Variants in PER1 observed in about 807,000 individuals in gnomAD.
The protein encoded by PER1 is period circadian protein homolog 1.
In PER1, 87 loss-of-function variants were observed where a neutral mutation model predicts 125.9. The observed-to-expected ratio is 0.69, with a 90% confidence interval of 0.58 to 0.83. The LOEUF (loss-of-function observed/expected upper bound fraction) is 0.83, where lower values mean the gene tolerates loss of function less well. Ranked by LOEUF, PER1 falls within the 40% of genes least tolerant of loss-of-function variation. The pLI is 0.00. For synonymous variants in PER1, 801 were observed against 714.7 expected (o/e 1.12, Z -1.93); for missense variants, 1,775 against 1,722.8 (o/e 1.03, Z -0.54).
intron 8 of PER1, 79 bp from the exon 9 acceptor site, chr17:8,148,338 G>C (rs1248854165): frequency 1.6e-6 from 2 of 1,227,728 alleles, no homozygotes; most frequent in Non-Finnish European, 2.4e-6. Context: ...CTGGGCCCAG[G>C]CTGGCTGATG....
At position 8,146,063 on chromosome 17, in the gene PER1, G is replaced by T. The variant is rs1322924089; in HGVS notation, c.2113C>A (p.Pro705Thr). The part of the protein sequence containing the change: ...KEPVVGGTLS[P>T]LALANKAESV... Reference sequence around the variant, plus strand: ...TCCGCCTTATTGGCCAGGGCGAGCGGGCTCAGGGTGCCTCCCACCACTGGC... The same window carrying T: ...TCCGCCTTATTGGCCAGGGCGAGCGTGCTCAGGGTGCCTCCCACCACTGGC... The change falls in exon 17 of 23, where the codon CCG (proline) becomes ACG (threonine). Residue 705 changes from proline to threonine, a missense_variant. Coordinates refer to ENST00000317276, the MANE Select transcript of PER1 (RefSeq NM_002616.3). 1 of 1,613,948 alleles carries T rather than the reference G, an allele frequency of 6.2e-7. No homozygotes were observed.
intron 16 of PER1, 65 bp downstream of exon 16, chr17:8,146,307 G>T: frequency 6.5e-7 from 1 of 1,545,646 alleles, no homozygotes; most frequent in African/African-American, 1.4e-5. Flanking sequence ...AGAAGCAGAA[G>T]GGAAAAGACA....
Position 8,150,519 on chromosome 17 carries a change from C to G in PER1, c.188G>C (p.Arg63Thr). 1 of 1,614,194 alleles carries G rather than the reference C, an allele frequency of 6.2e-7. No homozygotes were observed. Among genetic ancestry groups the G allele is most frequent in the South Asian group, 1.1e-5 (1 of 91,090 alleles). ...SGNESNGHES[R>T]GASQRSSHSS... ...GTGTGAGCTCCGCTGAGATGCGCCT[C>G]TAGACTCATGCCCGTTGGACTCATT... The change falls in exon 2 of 23, where the codon AGA becomes ACA. Residue 63 changes from arginine (R) to threonine (T), a missense_variant. Coordinates refer to ENST00000317276, the MANE Select transcript of PER1 (RefSeq NM_002616.3).
chr17:8,145,836 C>T, intron 17 of PER1, 122 bp downstream of exon 17: 1 of 1,133,532 alleles, frequency 8.8e-7, no homozygotes, highest in Non-Finnish European at 1.2e-6. Flanking sequence ...AGCCCCAAGC[C>T]CCAGGTCAAG....
rs1310147162 is a variant in PER1, at chr17:8,150,298, A to G, written c.295T>C (p.Ser99Pro). The change falls in exon 3 of 23, where the codon TCC becomes CCC. Residue 99 changes from serine to proline, a missense_variant. By Grantham distance (74) the Ser-to-Pro change is moderately conservative. Coordinates refer to ENST00000317276, the MANE Select transcript of PER1 (RefSeq NM_002616.3). ...TAGGCAATGGAACTGCTGGGTGGGG[A>G]TGGGCTCTGAGAGTTTGTGCTAGGA... is the stretch of plus-strand genomic sequence containing the variant. Reference protein sequence around the residue: ...SSKSTNSQSPSPPSSSIAYSL... With the variant: ...SSKSTNSQSPPPPSSSIAYSL... The G allele has an allele frequency of 1.9e-6, 3 of 1,557,236 alleles. No homozygotes were observed. The highest frequency in any genetic ancestry group is 2.7e-5 in the African/African-American group (2 of 73,376).
chr17:8,148,409 T>C, intron 8 of PER1, 150 bp from the exon 9 acceptor site: 1 of 799,706 alleles, frequency 1.3e-6, no homozygotes, highest in Non-Finnish European at 2.0e-6. Flanking sequence ...GCCAATCCTA[T>C]GCCCTGTATC....
intron 22 of PER1, among the ~76,000 whole-genome samples, chr17:8,141,559 T>C (rs945593465): frequency 2.0e-5 from 3 of 152,216 alleles, no homozygotes; most frequent in African/African-American, 7.2e-5. Context: ...TAGCATAGGA[T>C]AGGCTGTGAA....
Position 8,147,392 on chromosome 17 carries a change from G to C in PER1, c.1498-11C>G. 6.2e-7 allele frequency: 1 copy of C among 1,613,696 alleles called. No homozygotes were observed. Among genetic ancestry groups the C allele is most frequent in the Non-Finnish European group, 8.5e-7 (1 of 1,179,916 alleles). ...GGGGCTGTGGACGGGCTGCAGCAGG[G>C]AGAGGGCAGGTTAGATGGCTTGACC... On this transcript the variant is annotated splice_polypyrimidine_tract_variant and intron_variant, in intron 12 of 22. Transcript: ENST00000317276.
chr17:8,149,388 T>G (rs1982680412), intron 6 of PER1, 74 bp downstream of exon 6: 1 of 1,606,168 alleles, frequency 6.2e-7, no homozygotes, highest in Admixed American at 1.7e-5. Context: ...AGGGAAAGTC[T>G]GGGTTCCCCG....
At chr17:8,147,120 G>A in intron 13 of PER1, 118 bp from the exon 14 acceptor site, 1 of 1,406,192 alleles carries the variant, frequency 7.1e-7, no homozygotes, top group Non-Finnish European at 9.8e-7. Flanking sequence ...GATGGGAGCA[G>A]GACAAGAAGG....
intron 8 of PER1, 23 bp from the exon 9 acceptor site, chr17:8,148,282 A>C: frequency 6.2e-7 from 1 of 1,602,422 alleles, no homozygotes; most frequent in Non-Finnish European, 8.5e-7. Context: ...GAGTGTGGTC[A>C]CTGGGTTTCG....
Position 8,142,784 on chromosome 17 carries a change from G to A in PER1, c.3124C>T (p.Leu1042=), listed in dbSNP as rs1598246124. 2 of 1,613,202 alleles carry A rather than the reference G, an allele frequency of 1.2e-6. No individual in the cohort carries two copies. Among genetic ancestry groups the A allele is most frequent in the East Asian group, 4.5e-5 (2 of 44,878 alleles). ...NQDALSGSSD[L]LELLLQEDSR... ...TCCTCTTGCAGCAGAAGTTCGAGCA[G>A]GTCACTGGAGCCGGAAAGTGCGTCC... is the stretch of plus-strand genomic sequence containing the variant. Residue 1042 remains leucine (L), a synonymous_variant, in exon 20 of 23, where the codon CTG becomes TTG. Coordinates refer to ENST00000317276, the MANE Select transcript of PER1 (RefSeq NM_002616.3).
chr17:8,145,865 A>T, intron 17 of PER1, 93 bp downstream of exon 17: 1 of 1,396,486 alleles, frequency 7.2e-7, no homozygotes. Flanking sequence ...CCTTCTCTCC[A>T]TCAGGCCCTA....
At position 8,148,760 on chromosome 17, in the gene PER1, G is replaced by A. The variant is rs1425174260; in HGVS notation, c.932C>T (p.Pro311Leu). The A allele has an allele frequency of 1.2e-6, 2 of 1,613,634 alleles. No individual in the cohort carries two copies. The highest frequency in any genetic ancestry group is 1.7e-6 in the Non-Finnish European group (2 of 1,179,848). Residue 311 changes from proline (P) to leucine (L), a missense_variant, in exon 8 of 23, where the codon CCT becomes CTT. Coordinates refer to ENST00000317276, the MANE Select transcript of PER1 (RefSeq NM_002616.3). ...GGTTAGGCGGAATGGCTGGTACCGA[G>A]GCCCTGGATCCCGGTCAGGACCTCC... ...IRGGPDRDPG[P>L]RYQPFRLTPY... is the part of the protein sequence containing the mutation.
At position 8,145,941 on chromosome 17, in the gene PER1, C is replaced by A. The variant is rs371685631; in HGVS notation, c.2218+17G>T. On this transcript the variant is annotated intron_variant, in intron 17 of 22. Transcript: ENST00000317276. ...CCGGTGGAGCCCAAGCACTGCCCCC[C>A]AATTCCACACCCATACCCGACTCCG... is the stretch of plus-strand genomic sequence containing the variant. 3.2e-6 allele frequency: 5 copies of A among 1,578,426 alleles called. No homozygotes were observed. The African/African-American group carries it at 6.7e-5, about 21-fold the overall frequency.
In PER1 at chr17:8,149,288, G is replaced by A. The variant is rs1379610189; in HGVS notation, c.876C>T (p.Thr292=). ...TACGGCAGAAGACGGACTTCTCCTG[G>A]GTAAAGTCCCTGAGGCCTGAACCTG... is the stretch of plus-strand genomic sequence containing the variant. ...ASAGSGLRDF[T]QEKSVFCRIR... The change falls in exon 7 of 23, where the codon ACC becomes ACT. Residue 292 remains threonine, a synonymous_variant. Coordinates refer to ENST00000317276, the MANE Select transcript of PER1 (RefSeq NM_002616.3). 4.3e-6 allele frequency: 7 copies of A among 1,613,954 alleles called. No homozygotes were observed. The Admixed American group carries it at 1.2e-4, about 27-fold the overall frequency.
In PER1 at chr17:8,143,704, T is replaced by A; in HGVS notation, c.2634A>T (p.Pro878=). 1.0e-6 allele frequency: 1 copy of A among 984,342 alleles called. No individual in the cohort carries two copies. Among genetic ancestry groups the A allele is most frequent in the Non-Finnish European group, 1.2e-6 (1 of 809,166 alleles). 61.0% of individuals were successfully genotyped at this position (984,342 alleles called of 1,614,324 possible). A position where few individuals can be genotyped will look rare whatever the true frequency, so the allele number is the denominator to read the frequency against. Residue 878 remains proline, a synonymous_variant, in exon 19 of 23, where the codon CCA becomes CCT. Transcript: ENST00000317276. ...WPTPPATTPF[P]AVVQPYPLPV... ...GGAGAGGGTAGGGCTGGACAACCGC[T>A]GGGAAGGGGGTAGTGGCTGGTGGGG...
rs1982538116 is a variant in PER1, at chr17:8,147,575, G to A, written c.1392C>T (p.Ala464=). The A allele has an allele frequency of 1.9e-6, 3 of 1,613,348 alleles. No individual in the cohort carries two copies. Among genetic ancestry groups the A allele is most frequent in the South Asian group, 2.2e-5 (2 of 91,066 alleles). Residue 464 remains alanine, a synonymous_variant, in exon 12 of 23, where the codon GCC becomes GCT. Coordinates refer to ENST00000317276, the MANE Select transcript of PER1 (RefSeq NM_002616.3). ...FVLGRHKVRT[A]PLNEDVFTPP... is the part of the protein sequence containing the mutation. Reference sequence around the variant, plus strand: ...GAGTGAACACGTCCTCATTCAGGGGGGCCCTGTAGAGTGAAGAGTGAATCC... The same window carrying A: ...GAGTGAACACGTCCTCATTCAGGGGAGCCCTGTAGAGTGAAGAGTGAATCC...
Position 8,144,750 on chromosome 17 carries a change from C to A in PER1, c.2461+1G>T. 3 of 1,563,918 alleles carry A rather than the reference C, an allele frequency of 1.9e-6. No individual in the cohort carries two copies. The highest frequency in any genetic ancestry group is 2.6e-6 in the Non-Finnish European group (3 of 1,156,572). On this transcript the variant is annotated splice_donor_variant, in intron 18 of 22. Coordinates refer to ENST00000317276, the MANE Select transcript of PER1 (RefSeq NM_002616.3). LOFTEE classifies it high-confidence loss of function. ...GGCTCCAGGAGGCCCCAGGTGGCTA[C>A]CTCGCTCGCCAAGGGCTGAGGGAGC...
Sources: allele counts gnomAD v4.1 joint callset (sites outside exome capture counted in the v4.1 genomes callset), GRCh38; gene constraint gnomAD v4.1.1; transcripts MANE v1.5; gene names NCBI Gene and HGNC (gene_info 2026-07-23, HGNC 2026-07-21).